The following PHACTR3 variants were observed in gnomAD, a reference collection of about 807,000 sequenced individuals.
PHACTR3 encodes protein phosphatase 1, regulatory subunit 123.
PHACTR3 carries 16 observed loss-of-function variants against 66.8 expected under a neutral mutation model. The observed-to-expected ratio is 0.24, with a 90% CI of 0.16 to 0.36. The LOEUF (loss-of-function observed/expected upper bound fraction) is 0.36. PHACTR3 is among the 10% of genes least tolerant of loss of function. PHACTR3 has a pLI of 1.00. For missense variants in PHACTR3, 647 were observed against 719.9 expected (o/e 0.90, Z 1.16); for synonymous variants, 323 against 292.1 (o/e 1.11, Z -1.08).
intron 1 of PHACTR3, among the ~76,000 whole-genome samples, chr20:59,620,319 G>T (rs536491626): frequency 1.3e-5 from 2 of 152,272 alleles, no homozygotes; most frequent in Admixed American, 6.5e-5. Context: ...GAAGAAATTA[G>T]CTTTGGTACA....
chr20:59,805,125 T>G (rs1011592443), intron 7 of PHACTR3, among the ~76,000 whole-genome samples: 4 of 152,220 alleles, frequency 2.6e-5, no homozygotes, highest in African/African-American at 9.6e-5. Context: ...AGCACCCACA[T>G]TTCCTAGTGC....
intron 1 of PHACTR3, among the ~76,000 whole-genome samples, chr20:59,650,621 T>TC: frequency 6.6e-6 from 1 of 151,476 alleles, no homozygotes; most frequent in East Asian, 1.9e-4. Flanking sequence ...ATATGACCTA[T>TC]CCCGTTGAGC....
chr20:59,618,951 A>G (rs1439711564), intron 1 of PHACTR3, among the ~76,000 whole-genome samples: 2 of 152,210 alleles, frequency 1.3e-5, no homozygotes, highest in Non-Finnish European at 2.9e-5. Flanking sequence ...TTTCTTCTTT[A>G]TACATGAGAA....
chr20:59,678,073 A>G (rs939796498), intron 1 of PHACTR3, among the ~76,000 whole-genome samples: 2 of 151,694 alleles, frequency 1.3e-5, no homozygotes, highest in African/African-American at 4.8e-5. Context: ...TTCCCCATAC[A>G]TTTTCTTCTG....
At chr20:59,811,038 A>T (rs986179448) in intron 8 of PHACTR3, among the ~76,000 whole-genome samples, 1 of 152,172 alleles carries the variant, frequency 6.6e-6, no homozygotes, top group Non-Finnish European at 1.5e-5. Context: ...TCTTTCATTT[A>T]TCTAGTCTTC....
intron 1 of PHACTR3, among the ~76,000 whole-genome samples, chr20:59,635,146 T>TC (rs1568948828): frequency 3.1e-3 from 165 of 52,586 alleles, no homozygotes; most frequent in Middle Eastern, 0.01. Context: ...TTTCTTTCTT[T>TC]CTTTTTCTTT....
At chr20:59,599,791 G>C (rs2033422671), upstream of PHACTR3, among the ~76,000 whole-genome samples, 1 of 152,148 alleles carries the variant, frequency 6.6e-6, no homozygotes, top group Non-Finnish European at 1.5e-5. Context: ...CACCTTCAGA[G>C]AACACCGAGT....
chr20:59,670,610 G>GGGA (rs2036161347), intron 1 of PHACTR3, among the ~76,000 whole-genome samples: 6 of 137,148 alleles, frequency 4.4e-5, no homozygotes, highest in Non-Finnish European at 8.0e-5. Context: ...GGGGGTGGGG[G>GGGA]GGGGGGGCAG....
At chr20:59,671,112 CT>C (rs550353107) in intron 1 of PHACTR3, among the ~76,000 whole-genome samples, 3 of 152,054 alleles carry the variant, frequency 2.0e-5, no homozygotes, top group Non-Finnish European at 2.9e-5. Flanking sequence ...TTATTCTGAG[CT>C]TTTTTTTCTT....
chr20:59,716,860 C>T (rs539803305), intron 1 of PHACTR3, among the ~76,000 whole-genome samples: 1 of 152,340 alleles, frequency 6.6e-6, no homozygotes, highest in South Asian at 2.1e-4. Flanking sequence ...GCCTTGCTCT[C>T]CTTCCTTTCT....
At chr20:59,753,210 C>T (rs1051271523) in intron 3 of PHACTR3, among the ~76,000 whole-genome samples, 11 of 151,994 alleles carry the variant, frequency 7.2e-5, no homozygotes, top group African/African-American at 2.4e-4. Flanking sequence ...CCACAGAGCC[C>T]GTCACAATGG....
At chr20:59,642,246 G>A (rs2035128834) in intron 1 of PHACTR3, among the ~76,000 whole-genome samples, 1 of 152,092 alleles carries the variant, frequency 6.6e-6, no homozygotes, top group African/African-American at 2.4e-5. Context: ...CTGGACTTTT[G>A]CAGGGTTCGG....
intron 1 of PHACTR3, among the ~76,000 whole-genome samples, chr20:59,620,582 C>T (rs973163615): frequency 2.6e-5 from 4 of 152,168 alleles, no homozygotes; most frequent in Non-Finnish European, 5.9e-5. Flanking sequence ...CGAGTATATG[C>T]GTTTTTGGCA....
chr20:59,831,310 G>A (rs1054587486), intron 8 of PHACTR3, among the ~76,000 whole-genome samples: 1 of 152,194 alleles, frequency 6.6e-6, no homozygotes, highest in African/African-American at 2.4e-5. Flanking sequence ...AGCCCAGCCT[G>A]GTCCTTCCGG....
At chr20:59,669,980 A>G (rs1218243932) in intron 1 of PHACTR3, among the ~76,000 whole-genome samples, 2 of 152,218 alleles carry the variant, frequency 1.3e-5, no homozygotes, top group Non-Finnish European at 2.9e-5. Context: ...AGAGTTCATT[A>G]ATTCATCTCT....
chr20:59,809,389 G>A (rs1048738755), intron 8 of PHACTR3, among the ~76,000 whole-genome samples: 5 of 151,700 alleles, frequency 3.3e-5, no homozygotes, highest in Non-Finnish European at 7.4e-5. Context: ...AAGTCTCAGT[G>A]ATGGGACGTG....
At chr20:59,795,922 G>A (rs1224825626) in intron 7 of PHACTR3, among the ~76,000 whole-genome samples, 1 of 151,974 alleles carries the variant, frequency 6.6e-6, no homozygotes, top group Admixed American at 6.6e-5. Context: ...AATCTATTTA[G>A]CCACTCTCTA....
chr20:59,710,422 C>A (rs2037871668), intron 1 of PHACTR3, among the ~76,000 whole-genome samples: 1 of 152,082 alleles, frequency 6.6e-6, no homozygotes, highest in Admixed American at 6.5e-5. Flanking sequence ...TCTTGGGAGG[C>A]AGCAATAAGG....
chr20:59,732,794 C>T (rs574568258), intron 1 of PHACTR3, among the ~76,000 whole-genome samples: 3 of 152,292 alleles, frequency 2.0e-5, no homozygotes, highest in East Asian at 3.9e-4. Context: ...TTTATTCACT[C>T]GCTCACTCAT....
Sources: allele counts gnomAD v4.1 joint callset (sites outside exome capture counted in the v4.1 genomes callset), GRCh38; gene constraint gnomAD v4.1.1; transcripts MANE v1.5; gene names NCBI Gene and HGNC (gene_info 2026-07-23, HGNC 2026-07-21).